Variants in SCG5 observed in about 807,000 individuals in gnomAD.
The protein encoded by SCG5 is secretogranin V, also known as neuroendocrine protein 7B2.
SCG5 carries 18 observed loss-of-function variants against 25.7 expected under a neutral mutation model. The observed-to-expected ratio is 0.70, with a 90% CI of 0.48 to 1.04. The LOEUF is 1.04. Among genes scored for constraint, SCG5 ranks in the 50% least tolerant of loss-of-function variants. The pLI, the probability that SCG5 is intolerant of heterozygous loss-of-function variation, is 0.00. For synonymous variants in SCG5, 101 were observed against 91.7 expected (o/e 1.10, Z -0.58); for missense variants, 206 against 259.8 (o/e 0.79, Z 1.42).
intron 2 of SCG5, among the ~76,000 whole-genome samples, chr15:32,657,188 TTC>T (rs2054130999): frequency 8.8e-6 from 1 of 113,042 alleles, no homozygotes; most frequent in Admixed American, 1.0e-4. Context: ...AATTCTTTCT[TTC>T]ATCCTCCTGT....
At chr15:32,667,789 C>T (rs1342769850) in intron 2 of SCG5, among the ~76,000 whole-genome samples, 1 of 151,958 alleles carries the variant, frequency 6.6e-6, no homozygotes, top group Non-Finnish European at 1.5e-5. Context: ...TCTCCTGCCT[C>T]AGCCTTTCGA....
chr15:32,644,586 A>G (rs1460913821), intron 2 of SCG5, among the ~76,000 whole-genome samples: 1 of 152,194 alleles, frequency 6.6e-6, no homozygotes, highest in African/African-American at 2.4e-5. Context: ...TCTAGCTTCT[A>G]TGAGCTGGTG....
chr15:32,658,610 A>C (rs183068120), intron 2 of SCG5, among the ~76,000 whole-genome samples: 194 of 152,278 alleles, frequency 1.3e-3, no homozygotes, highest in Admixed American at 3.3e-3. Context: ...TATATTACTC[A>C]GGGCCCTAAG....
rs536287216 is a variant in SCG5, at chr15:32,680,400, G to A, written c.376+485G>A. On this transcript the variant is annotated intron_variant, in intron 3 of 5. Coordinates refer to ENST00000300175, the MANE Select transcript of SCG5 (RefSeq NM_001144757.3). ...TTTTTAGTAGAGACGGGGATTCAGC[G>A]TGTTAGCCAGGATGGTCTCAATCTC... is the stretch of plus-strand genomic sequence containing the variant. Among the ~76,000 whole-genome samples the A allele has an allele frequency of 1.8e-4, 28 of 151,812 alleles. No homozygotes were observed. The East Asian group carries it at 1.9e-3, about 11-fold the overall frequency.
intron 2 of SCG5, among the ~76,000 whole-genome samples, chr15:32,649,132 A>C (rs1238198302): frequency 1.3e-5 from 2 of 151,636 alleles, no homozygotes; most frequent in Non-Finnish European, 2.9e-5. Flanking sequence ...TTATCTCTCC[A>C]CTGGAATGTA....
intron 2 of SCG5, among the ~76,000 whole-genome samples, chr15:32,647,174 TA>T (rs1476118367): frequency 6.6e-6 from 1 of 152,158 alleles, no homozygotes; most frequent in Non-Finnish European, 1.5e-5. Context: ...TGTAAGCAGG[TA>T]ATGTTCCAGT....
chr15:32,675,638 G>A (rs7161975), intron 2 of SCG5, among the ~76,000 whole-genome samples: 21,104 of 152,152 alleles, frequency 0.14, 1,580 homozygotes, highest in Middle Eastern at 0.2. Context: ...AGCACCTAAC[G>A]TAATTATTGC....
chr15:32,687,196 A>G (rs1025284017), intron 4 of SCG5, among the ~76,000 whole-genome samples: 2 of 152,080 alleles, frequency 1.3e-5, no homozygotes, highest in African/African-American at 4.8e-5. Context: ...ATCTTCACAG[A>G]TTTCTCTCAT....
chr15:32,664,095 G>A (rs2054282209), intron 2 of SCG5, among the ~76,000 whole-genome samples: 1 of 152,172 alleles, frequency 6.6e-6, no homozygotes, highest in South Asian at 2.1e-4. Flanking sequence ...CAGTGAGAGT[G>A]GCCATGAGAG....
intron 2 of SCG5, among the ~76,000 whole-genome samples, chr15:32,656,758 C>T (rs1190190627): frequency 6.6e-6 from 1 of 152,210 alleles, no homozygotes; most frequent in African/African-American, 2.4e-5. Context: ...GGTGCAAATA[C>T]CTTGGGCACC....
At chr15:32,696,290 T>C (rs1435173987) in intron 5 of SCG5, among the ~76,000 whole-genome samples, 2 of 152,134 alleles carry the variant, frequency 1.3e-5, no homozygotes, top group African/African-American at 4.8e-5. Flanking sequence ...GCTAATTTTT[T>C]GTATTTTTAG....
chr15:32,696,422 A>G, intron 5 of SCG5, 92 bp from the exon 6 acceptor site: 1 of 944,754 alleles, frequency 1.1e-6, no homozygotes, highest in Non-Finnish European at 1.6e-6. Flanking sequence ...CGGCCCCAGA[A>G]ACGATTCTTG....
chr15:32,681,141 G>C (rs1000596551), intron 3 of SCG5, among the ~76,000 whole-genome samples: 1 of 152,134 alleles, frequency 6.6e-6, no homozygotes, highest in Admixed American at 6.5e-5. Context: ...CCTTGGGCTT[G>C]TGTTAGCTTC....
chr15:32,670,110 T>C (rs2054394531), intron 2 of SCG5, among the ~76,000 whole-genome samples: 1 of 152,222 alleles, frequency 6.6e-6, no homozygotes, highest in South Asian at 2.1e-4. Flanking sequence ...CCAAGGAGCC[T>C]GAGTTTTTTA....
chr15:32,650,745 G>A (rs1408625496), intron 2 of SCG5, among the ~76,000 whole-genome samples: 5 of 152,142 alleles, frequency 3.3e-5, no homozygotes, highest in Admixed American at 3.3e-4. Context: ...GTAAAAGATA[G>A]GCTGCTCAGT....
At chr15:32,659,207 CT>C (rs1409166073) in intron 2 of SCG5, among the ~76,000 whole-genome samples, 1 of 148,594 alleles carries the variant, frequency 6.7e-6, no homozygotes, top group Non-Finnish European at 1.5e-5. Flanking sequence ...ACCAAAAAAA[CT>C]GTCAGAGAGA....
At chr15:32,642,866 C>G (rs1296649349) in intron 1 of SCG5, among the ~76,000 whole-genome samples, 1 of 152,138 alleles carries the variant, frequency 6.6e-6, no homozygotes, top group African/African-American at 2.4e-5. Context: ...CCTAAACACT[C>G]TTAACATGTA....
At chr15:32,669,723 A>G (rs2054386039) in intron 2 of SCG5, among the ~76,000 whole-genome samples, 1 of 152,112 alleles carries the variant, frequency 6.6e-6, no homozygotes, top group Admixed American at 6.5e-5. Flanking sequence ...AAAATGCTTC[A>G]CTTCCAGATT....
intron 2 of SCG5, among the ~76,000 whole-genome samples, chr15:32,652,423 A>G (rs1460312287): frequency 6.6e-6 from 1 of 152,190 alleles, no homozygotes; most frequent in Non-Finnish European, 1.5e-5. Flanking sequence ...GGTTTCTGTT[A>G]AGGTTGTTTT....
Sources: allele counts gnomAD v4.1 joint callset (sites outside exome capture counted in the v4.1 genomes callset), GRCh38; gene constraint gnomAD v4.1.1; transcripts MANE v1.5; gene names NCBI Gene and HGNC (gene_info 2026-07-23, HGNC 2026-07-21).